ST8SIA1: variants seen among roughly 807,000 people sequenced by gnomAD.
ST8SIA1 encodes the protein alpha-N-acetylneuraminide alpha-2,8-sialyltransferase.
A neutral mutation model predicts 35.9 loss-of-function variants in ST8SIA1; 16 were observed. The observed-to-expected ratio is 0.45, with a 90% CI of 0.30 to 0.68. The LOEUF (loss-of-function observed/expected upper bound fraction) is 0.68. Ranked by LOEUF, ST8SIA1 falls within the 30% of genes least tolerant of loss-of-function variation. The pLI is 0.09. For missense variants in ST8SIA1, 383 were observed against 453.6 expected (o/e 0.84, Z 1.41); for synonymous variants, 170 against 169.6 (o/e 1.00, Z -0.02).
intron 2 of ST8SIA1, among the ~76,000 whole-genome samples, chr12:22,278,563 T>C (rs1211786918): frequency 1.3e-5 from 2 of 152,216 alleles, no homozygotes; most frequent in African/African-American, 4.8e-5. Context: ...CAGAGTGGAT[T>C]GAACTCTAGA....
intron 4 of ST8SIA1, among the ~76,000 whole-genome samples, chr12:22,235,186 A>G (rs1591830913): frequency 6.6e-6 from 1 of 152,232 alleles, no homozygotes; most frequent in Non-Finnish European, 1.5e-5. Flanking sequence ...TTAAAATTCT[A>G]TTAAACAAAT....
At chr12:22,275,838 T>C (rs1052989040) in intron 2 of ST8SIA1, among the ~76,000 whole-genome samples, 2 of 152,222 alleles carry the variant, frequency 1.3e-5, no homozygotes, top group Admixed American at 6.5e-5. Context: ...GGATTCCCAC[T>C]ACTCTCAGCA....
At chr12:22,288,168 A>G (rs1279526653) in intron 1 of ST8SIA1, among the ~76,000 whole-genome samples, 7 of 152,270 alleles carry the variant, frequency 4.6e-5, no homozygotes, top group African/African-American at 1.4e-4. Context: ...CCACTTACTC[A>G]TGAGTAAAAG....
At chr12:22,202,743 GA>G (rs955433008) in intron 4 of ST8SIA1, among the ~76,000 whole-genome samples, 1 of 152,094 alleles carries the variant, frequency 6.6e-6, no homozygotes, top group African/African-American at 2.4e-5. Context: ...GAATACAGAT[GA>G]AAAAAATAAT....
intron 4 of ST8SIA1, among the ~76,000 whole-genome samples, chr12:22,244,308 A>T (rs1865574149): frequency 6.6e-6 from 1 of 152,120 alleles, no homozygotes; most frequent in Non-Finnish European, 1.5e-5. Flanking sequence ...AGCCTGGCCA[A>T]GAAAAAGAAC....
At chr12:22,303,060 T>C (rs1183659765) in intron 1 of ST8SIA1, among the ~76,000 whole-genome samples, 1 of 152,176 alleles carries the variant, frequency 6.6e-6, no homozygotes, top group African/African-American at 2.4e-5. Flanking sequence ...GTGCTCAACT[T>C]TGACAAAATA....
chr12:22,253,938 A>C (rs1163333464), intron 3 of ST8SIA1, among the ~76,000 whole-genome samples: 1 of 151,896 alleles, frequency 6.6e-6, no homozygotes, highest in Admixed American at 6.6e-5. Flanking sequence ...TAAAGTTTTT[A>C]CTCTTCCCTC....
chr12:22,276,404 G>A (rs990454077), intron 2 of ST8SIA1, among the ~76,000 whole-genome samples: 1 of 152,164 alleles, frequency 6.6e-6, no homozygotes, highest in Non-Finnish European at 1.5e-5. Flanking sequence ...TCTAGAAGAT[G>A]GAGAAGTGCA....
chr12:22,311,502 G>C (rs931464130), intron 1 of ST8SIA1, among the ~76,000 whole-genome samples: 1 of 152,078 alleles, frequency 6.6e-6, no homozygotes, highest in East Asian at 1.9e-4. Flanking sequence ...AATTGTCTCT[G>C]GCAAAATGAG....
intron 1 of ST8SIA1, among the ~76,000 whole-genome samples, chr12:22,321,199 T>G (rs552151397): frequency 1.3e-5 from 2 of 152,100 alleles, no homozygotes; most frequent in Admixed American, 6.5e-5. Flanking sequence ...GACGGAAAGA[T>G]AGATGGTGAG....
At chr12:22,310,197 A>G (rs573583459) in intron 1 of ST8SIA1, among the ~76,000 whole-genome samples, 6 of 152,368 alleles carry the variant, frequency 3.9e-5, no homozygotes, top group African/African-American at 1.4e-4. Context: ...TACCTAGTAC[A>G]TAGGAAGTGC....
Position 22,320,266 on chromosome 12 carries a change from G to C in ST8SIA1, c.236+13731C>G, listed in dbSNP as rs116333640. Among the ~76,000 whole-genome samples, 1,311 of 152,308 alleles carry C rather than the reference G, an allele frequency of 8.6e-3. 20 individuals carry two copies. Among genetic ancestry groups the C allele is most frequent in the African/African-American group, 0.03 (1,259 of 41,562 alleles). ...TTATCCGGGGAATAAGTATAACAAA[G>C]TGTGAGGATTTTTCCCTCTTATCTG... On this transcript the variant is annotated intron_variant, in intron 1 of 4. Transcript: ENST00000396037.
intron 1 of ST8SIA1, among the ~76,000 whole-genome samples, chr12:22,300,976 A>G (rs1172862595): frequency 6.6e-6 from 1 of 152,096 alleles, no homozygotes; most frequent in African/African-American, 2.4e-5. Flanking sequence ...TGTTATTGGT[A>G]TGTGTTCCAA....
chr12:22,326,469 T>G (rs1350336466), intron 1 of ST8SIA1: 1 of 152,260 alleles, frequency 6.6e-6, no homozygotes, highest in East Asian at 1.9e-4. Flanking sequence ...GACTAATAAT[T>G]AGCACTTATC....
rs1429354438 is a variant in ST8SIA1 at position 22,194,822 on chromosome 12, G to T, written c.*6730C>A. Reference sequence around the variant, plus strand: ...CTTGCTGCTATCACTGCCTCATCATGACAGATGTAAATAATAATCTTATTT... The same window carrying T: ...CTTGCTGCTATCACTGCCTCATCATTACAGATGTAAATAATAATCTTATTT... On this transcript the variant is annotated 3_prime_UTR_variant, in exon 5 of 5. Transcript: ENST00000396037. The T allele has an allele frequency of 6.6e-6, 1 of 152,106 alleles. No individual in the cohort carries two copies. The highest frequency in any genetic ancestry group is 2.4e-5 in the African/African-American group (1 of 41,404). The allele number at this position is 152,106 out of a possible 1,614,324, so 9.4% of individuals were successfully genotyped here. A position where few individuals can be genotyped will look rare whatever the true frequency, so the allele number is the denominator to read the frequency against.
chr12:22,261,093 A>G (rs918697975), intron 2 of ST8SIA1, among the ~76,000 whole-genome samples: 1 of 151,420 alleles, frequency 6.6e-6, no homozygotes, highest in Non-Finnish European at 1.5e-5. Context: ...TACCCAAGCT[A>G]ATTTATATAT....
At chr12:22,324,759 C>T (rs1312713999) in intron 1 of ST8SIA1, 1 of 148,218 alleles carries the variant, frequency 6.7e-6, no homozygotes, top group Non-Finnish European at 1.5e-5. Context: ...AGCTATACAA[C>T]AACTACATAT....
chr12:22,295,492 G>C (rs1376825079), intron 1 of ST8SIA1, among the ~76,000 whole-genome samples: 2 of 152,144 alleles, frequency 1.3e-5, no homozygotes, highest in Non-Finnish European at 2.9e-5. Context: ...CAGCACTTTA[G>C]GAAGCCAAGG....
rs114958793 is a variant in ST8SIA1 at position 22,285,703 on chromosome 12, C to T, written c.381+1446G>A. On this transcript the variant is annotated intron_variant, in intron 2 of 4. Transcript: ENST00000396037. Reference sequence around the variant, plus strand: ...CCTGGCCAGCACGGTGAAACATGGTCTCTACTAAAAATACAAAACAGCTGG... The same window carrying T: ...CCTGGCCAGCACGGTGAAACATGGTTTCTACTAAAAATACAAAACAGCTGG... Among the ~76,000 whole-genome samples the T allele has an allele frequency of 1.6e-3, 244 of 152,038 alleles. 1 individual carries two copies. Among genetic ancestry groups the T allele is most frequent in the African/African-American group, 5.4e-3 (224 of 41,478 alleles).
Sources: allele counts gnomAD v4.1 joint callset (sites outside exome capture counted in the v4.1 genomes callset), GRCh38; gene constraint gnomAD v4.1.1; transcripts MANE v1.5; gene names NCBI Gene and HGNC (gene_info 2026-07-23, HGNC 2026-07-21).